Variants in TENM2 observed in about 807,000 individuals in gnomAD.
The protein encoded by TENM2 is teneurin-2.
A neutral mutation model predicts 245.2 loss-of-function variants in TENM2; 52 were observed. The observed-to-expected ratio is 0.21, with a 90% CI of 0.17 to 0.27. The LOEUF is 0.27. Among genes scored for constraint, TENM2 ranks in the 10% least tolerant of loss-of-function variants. The pLI is 1.00. For missense variants in TENM2, 3,046 were observed against 3,666.8 expected, an observed-to-expected ratio of 0.83 and a Z score of 4.37; for synonymous variants, 1,363 against 1,438.9, an observed-to-expected ratio of 0.95 and a Z score of 1.19.
chr5:167,947,778 G>A (rs1779752509), intron 3 of TENM2, among the ~76,000 whole-genome samples: 1 of 152,190 alleles, frequency 6.6e-6, no homozygotes, highest in African/African-American at 2.4e-5. Flanking sequence ...CTGAGGGTCT[G>A]AGGGAGTTGA....
At chr5:167,214,538 T>G in the TENM2 span, among the ~76,000 whole-genome samples, 19 of 152,288 alleles carry the variant, frequency 1.2e-4, no homozygotes, top group African/African-American at 4.3e-4. Context: ...TGTCTATACA[T>G]CAATGTCGCT....
rs537742640 is a variant in TENM2 at position 167,292,591 on chromosome 5, A to G, written c.226+7528A>G. Among the ~76,000 whole-genome samples the G allele has an allele frequency of 2.0e-5, 3 of 152,328 alleles. No individual in the cohort carries two copies. The East Asian group carries it at 5.8e-4, about 29-fold the overall frequency. On this transcript the variant is annotated intron_variant, in intron 1 of 28. Transcript: ENST00000518659. ...ACATGGATAGTTTTGAGTTTTTAAA[A>G]CACGGCCTTATTTTTCCCACTTCCC... is the stretch of plus-strand genomic sequence containing the variant.
At chr5:167,463,497 TTTTA>T (rs1766451017) in intron 2 of TENM2, among the ~76,000 whole-genome samples, 1 of 123,458 alleles carries the variant, frequency 8.1e-6, no homozygotes, top group Non-Finnish European at 1.9e-5. Context: ...AAGATATTTA[TTTTA>T]TTTTATTTTT....
the TENM2 span, among the ~76,000 whole-genome samples, chr5:167,258,356 A>G: frequency 6.6e-6 from 1 of 151,888 alleles, no homozygotes; most frequent in East Asian, 1.9e-4. Flanking sequence ...TTTCCTATGT[A>G]ACAAAATGTC....
intron 1 of TENM2, among the ~76,000 whole-genome samples, chr5:167,333,076 A>T (rs1757551527): frequency 6.6e-6 from 1 of 152,242 alleles, no homozygotes; most frequent in African/African-American, 2.4e-5. Flanking sequence ...TTCAAAATGA[A>T]TTCATAAGCC....
chr5:167,594,840 C>A (rs924479009), intron 2 of TENM2, among the ~76,000 whole-genome samples: 2 of 152,208 alleles, frequency 1.3e-5, no homozygotes, highest in Non-Finnish European at 2.9e-5. Flanking sequence ...TTATGCCACA[C>A]TATTTTTGAT....
At chr5:168,237,390 C>A (rs1250988123) in intron 25 of TENM2, among the ~76,000 whole-genome samples, 3 of 152,042 alleles carry the variant, frequency 2.0e-5, no homozygotes, top group Non-Finnish European at 2.9e-5. Context: ...TTCTTGTACC[C>A]AGTCTGATTC....
intron 12 of TENM2, among the ~76,000 whole-genome samples, chr5:168,133,813 C>T (rs1275337236): frequency 1.3e-5 from 2 of 152,194 alleles, no homozygotes; most frequent in Admixed American, 6.5e-5. Context: ...ACGTCTGCTT[C>T]ACTTGAATCC....
At chr5:167,848,940 T>C (rs771461994) in intron 2 of TENM2, among the ~76,000 whole-genome samples, 1 of 152,150 alleles carries the variant, frequency 6.6e-6, no homozygotes, top group Non-Finnish European at 1.5e-5. Flanking sequence ...TTTGGCCACA[T>C]TGTATATTGT....
chr5:167,394,499 T>G (rs897998244), intron 2 of TENM2, among the ~76,000 whole-genome samples: 4 of 152,194 alleles, frequency 2.6e-5, no homozygotes, highest in Non-Finnish European at 1.5e-5. Context: ...TATGCCAGTA[T>G]CATACTGTTT....
chr5:168,060,802 C>G (rs1789969474), intron 6 of TENM2, among the ~76,000 whole-genome samples: 1 of 152,172 alleles, frequency 6.6e-6, no homozygotes. Context: ...TGTCATCTCT[C>G]CATTTTACAC....
the TENM2 span, among the ~76,000 whole-genome samples, chr5:167,066,631 A>G: frequency 6.8e-6 from 1 of 146,946 alleles, no homozygotes; most frequent in Non-Finnish European, 1.5e-5. Flanking sequence ...AATTTTATAT[A>G]TGTCCTTATA....
At chr5:167,704,957 C>T (rs1758405799) in intron 2 of TENM2, among the ~76,000 whole-genome samples, 1 of 152,084 alleles carries the variant, frequency 6.6e-6, no homozygotes, top group African/African-American at 2.4e-5. Flanking sequence ...TTCTTTATTT[C>T]TTGTCAGTCC....
At chr5:167,349,045 T>TC (rs1335428250) in intron 1 of TENM2, among the ~76,000 whole-genome samples, 1 of 152,166 alleles carries the variant, frequency 6.6e-6, no homozygotes, top group Non-Finnish European at 1.5e-5. Context: ...ATTATAAAAT[T>TC]CCCCCACTTC....
At chr5:167,691,845 G>T (rs1019367514) in intron 2 of TENM2, among the ~76,000 whole-genome samples, 2 of 152,150 alleles carry the variant, frequency 1.3e-5, no homozygotes, top group African/African-American at 4.8e-5. Context: ...GAGGTTGGGG[G>T]CATAGCCCTG....
chr5:167,375,617 G>C, intron 2 of TENM2, 144 bp downstream of exon 4: 1 of 839,474 alleles, frequency 1.2e-6, no homozygotes, highest in Non-Finnish European at 1.8e-6. Context: ...GTGAGCTGGG[G>C]GGAAGTAAAC....
At chr5:167,039,270 G>T in the TENM2 span, among the ~76,000 whole-genome samples, 2 of 152,102 alleles carry the variant, frequency 1.3e-5, no homozygotes, top group Admixed American at 6.5e-5. Flanking sequence ...CTGGCTCAAT[G>T]CAAGATATGC....
intron 17 of TENM2, among the ~76,000 whole-genome samples, chr5:168,202,691 A>G (rs529835574): frequency 4.0e-5 from 6 of 151,868 alleles, no homozygotes; most frequent in African/African-American, 1.5e-4. Context: ...TTTTCAGAGG[A>G]CAAGCTAGGA....
At chr5:167,728,454 T>TA (rs201373592) in intron 2 of TENM2, among the ~76,000 whole-genome samples, 3 of 151,166 alleles carry the variant, frequency 2.0e-5, no homozygotes, top group Non-Finnish European at 2.9e-5. Context: ...AAATAAAAAA[T>TA]AAAAAAAATT....
Sources: gnomAD v4.1 joint callset for allele counts (sites outside exome capture counted in the v4.1 genomes callset) on GRCh38, gnomAD v4.1.1 for gene constraint, MANE v1.5 for transcripts, NCBI Gene and HGNC (gene_info 2026-07-23, HGNC 2026-07-21) for gene names.